Variants in CNTNAP2 observed in about 807,000 individuals in gnomAD.
CNTNAP2 encodes contactin-associated protein-like 2.
Under a neutral mutation model 155.2 loss-of-function variants are expected in CNTNAP2, and 98 were observed. The observed-to-expected ratio is 0.63, with a 90% CI of 0.54 to 0.75. The LOEUF is 0.75. Ranked by LOEUF, CNTNAP2 falls within the 30% of genes least tolerant of loss-of-function variation. The probability of loss-of-function intolerance (pLI) is 0.00; values close to 1 mark genes in which losing one functional copy is unlikely to be tolerated. For missense variants in CNTNAP2, 1,727 were observed against 1,688.1 expected (o/e 1.02, Z -0.40); for synonymous variants, 651 against 631.2 (o/e 1.03, Z -0.47).
intron 1 of CNTNAP2, among the ~76,000 whole-genome samples, chr7:146,163,577 C>A (rs1374082423): frequency 4.4e-5 from 6 of 137,204 alleles, no homozygotes; most frequent in African/African-American, 1.1e-4. Flanking sequence ...CTATATCTAT[C>A]TATCTATCTA....
At chr7:147,465,535 C>G (rs1798106536) in intron 10 of CNTNAP2, among the ~76,000 whole-genome samples, 2 of 152,172 alleles carry the variant, frequency 1.3e-5, no homozygotes, top group African/African-American at 2.4e-5. Context: ...CATATCTTGG[C>G]TACTGACATA....
chr7:146,120,084 T>C (rs901671919), intron 1 of CNTNAP2, among the ~76,000 whole-genome samples: 3 of 151,928 alleles, frequency 2.0e-5, no homozygotes, highest in Admixed American at 2.0e-4. Flanking sequence ...AGTGCAATTA[T>C]TTTAAGTAAC....
chr7:146,448,010 C>A (rs999977345), intron 1 of CNTNAP2, among the ~76,000 whole-genome samples: 1 of 151,864 alleles, frequency 6.6e-6, no homozygotes, highest in Non-Finnish European at 1.5e-5. Flanking sequence ...TCTCTAAGAG[C>A]TTATCTTTTT....
chr7:147,687,153 T>C (rs1178525670), intron 13 of CNTNAP2, among the ~76,000 whole-genome samples: 2 of 152,086 alleles, frequency 1.3e-5, no homozygotes, highest in Non-Finnish European at 2.9e-5. Context: ...CTATTATCTA[T>C]CAATTTAAAA....
chr7:148,298,981 C>A (rs1797332720), intron 21 of CNTNAP2, among the ~76,000 whole-genome samples: 1 of 151,824 alleles, frequency 6.6e-6, no homozygotes. Flanking sequence ...TGGCACCTGG[C>A]CAACTTTTTT....
chr7:147,327,276 C>T (rs1795478203), intron 9 of CNTNAP2, among the ~76,000 whole-genome samples: 1 of 152,158 alleles, frequency 6.6e-6, no homozygotes, highest in African/African-American at 2.4e-5. Context: ...CTTATGATGT[C>T]CATTGAAGAG....
chr7:146,720,423 G>A (rs540688746), intron 1 of CNTNAP2, among the ~76,000 whole-genome samples: 1 of 152,214 alleles, frequency 6.6e-6, no homozygotes, highest in South Asian at 2.1e-4. Context: ...GGACACAAAA[G>A]TAGCTCACGG....
At chr7:148,408,490 C>G (rs1799755264) in intron 22 of CNTNAP2, among the ~76,000 whole-genome samples, 1 of 152,238 alleles carries the variant, frequency 6.6e-6, no homozygotes, top group South Asian at 2.1e-4. Flanking sequence ...CTCCCTGAAT[C>G]ATAACATAAA....
chr7:146,539,168 G>T, intron 1 of CNTNAP2, among the ~76,000 whole-genome samples: 1 of 152,056 alleles, frequency 6.6e-6, no homozygotes. Flanking sequence ...GACACAGAAT[G>T]ATTATCAACG....
intron 13 of CNTNAP2, among the ~76,000 whole-genome samples, chr7:147,723,215 A>G (rs773824852): frequency 1.9e-4 from 29 of 152,074 alleles, no homozygotes; most frequent in Non-Finnish European, 3.8e-4. Flanking sequence ...GATATTTCAA[A>G]GTAAACCTGA....
chr7:146,811,561 G>A (rs984496105), intron 2 of CNTNAP2, among the ~76,000 whole-genome samples: 1 of 151,474 alleles, frequency 6.6e-6, no homozygotes, highest in African/African-American at 2.4e-5. Flanking sequence ...TATAAATTTT[G>A]TTTATGTTTT....
At chr7:146,714,771 C>T (rs909892232) in intron 1 of CNTNAP2, among the ~76,000 whole-genome samples, 1 of 152,078 alleles carries the variant, frequency 6.6e-6, no homozygotes, top group Non-Finnish European at 1.5e-5. Context: ...TACTTGATGG[C>T]ACATTACTGA....
chr7:147,640,650 A>G (rs7783626), intron 13 of CNTNAP2, among the ~76,000 whole-genome samples: 49,353 of 151,962 alleles, frequency 0.32, 8,681 homozygotes, highest in African/African-American at 0.43. Context: ...AGGAACACCA[A>G]GGTTCTTAAT....
chr7:147,872,632 A>T (rs1404792720), intron 13 of CNTNAP2, among the ~76,000 whole-genome samples: 2 of 152,250 alleles, frequency 1.3e-5, no homozygotes, highest in Admixed American at 1.3e-4. Context: ...TCGTCACAAA[A>T]TGACATTCAA....
chr7:146,697,172 A>G (rs1044489703), intron 1 of CNTNAP2, among the ~76,000 whole-genome samples: 4 of 152,156 alleles, frequency 2.6e-5, no homozygotes, highest in African/African-American at 9.7e-5. Flanking sequence ...TTGACACTCC[A>G]TTAGGCACAG....
At chr7:146,985,290 C>T (rs1433551050) in intron 3 of CNTNAP2, among the ~76,000 whole-genome samples, 1 of 149,026 alleles carries the variant, frequency 6.7e-6, no homozygotes, top group Non-Finnish European at 1.5e-5. Flanking sequence ...TAACAAAGTG[C>T]TTGTGGAAAA....
At position 148,027,961 on chromosome 7, in the gene CNTNAP2, A is replaced by G. The variant is rs542576964; in HGVS notation, c.2383+49972A>G. On this transcript the variant is annotated intron_variant, in intron 15 of 23. Coordinates refer to ENST00000361727, the MANE Select transcript of CNTNAP2 (RefSeq NM_014141.6). The stretch of plus-strand genomic sequence containing the variant: ...CACCTTCCATTCTCTCCCAACCTCA[A>G]TAACACCTATAGATGATATCAAATC... 4.6e-5 allele frequency among the ~76,000 whole-genome samples: 7 copies of G among 152,310 alleles called. No homozygotes were observed. In the East Asian group the frequency reaches 9.7e-4, roughly 21 times the overall value.
intron 12 of CNTNAP2, among the ~76,000 whole-genome samples, chr7:147,624,123 T>G (rs1419486802): frequency 1.3e-5 from 2 of 152,010 alleles, no homozygotes; most frequent in Admixed American, 1.3e-4. Context: ...AAATAAAGAC[T>G]TAAAGCAAAG....
At chr7:147,514,508 G>C (rs567230712) in intron 11 of CNTNAP2, among the ~76,000 whole-genome samples, 72 of 151,564 alleles carry the variant, frequency 4.8e-4, no homozygotes, top group African/African-American at 1.6e-3. Flanking sequence ...TTCTAATGAG[G>C]ACAAAGTAAC....
Sources: gnomAD v4.1 joint callset for allele counts (sites outside exome capture counted in the v4.1 genomes callset) on GRCh38, gnomAD v4.1.1 for gene constraint, MANE v1.5 for transcripts, NCBI Gene and HGNC (gene_info 2026-07-23, HGNC 2026-07-21) for gene names.